Variants in TSPEAR observed in about 807,000 individuals in gnomAD.
TSPEAR encodes thrombospondin-type laminin G domain and EAR repeat-containing protein.
A neutral mutation model predicts 71.6 loss-of-function variants in TSPEAR; 69 were observed. The observed-to-expected ratio is 0.96, with a 90% CI of 0.79 to 1.18. The LOEUF is 1.18. TSPEAR is among the 50% of genes most tolerant of loss of function. TSPEAR has a pLI of 0.00. For synonymous variants in TSPEAR, 402 were observed against 387.2 expected, an observed-to-expected ratio of 1.04 and a Z score of -0.45; for missense variants, 971 against 894.9, an observed-to-expected ratio of 1.09 and a Z score of -1.09.
At chr21:44,603,128 G>A (rs1268833443) in intron 1 of TSPEAR, among the ~76,000 whole-genome samples, 5 of 152,076 alleles carry the variant, frequency 3.3e-5, no homozygotes, top group African/African-American at 7.2e-5. Flanking sequence ...GCCGACCTGC[G>A]CCTGCAACGA....
chr21:44,520,833 C>T lies in TSPEAR; in HGVS notation c.1566+1050G>A, dbSNP rs1203296289. On this transcript the variant is annotated intron_variant, in intron 9 of 11. Coordinates refer to ENST00000323084, the MANE Select transcript of TSPEAR (RefSeq NM_144991.3). This position sits in a 1 kb window ranked among gnomAD's most constrained non-coding sequence, Gnocchi z 4.2. Reference sequence around the variant, plus strand: ...GCCATAAAGCCCCACCCACCACATGCACAGCTTCTTGTCTAATGCAGGGGT... The same window carrying T: ...GCCATAAAGCCCCACCCACCACATGTACAGCTTCTTGTCTAATGCAGGGGT... 2.0e-5 allele frequency: 3 copies of T among 152,320 alleles called. No homozygotes were observed. The highest frequency in any genetic ancestry group is 7.2e-5 in the African/African-American group (3 of 41,454). 9.4% of individuals were successfully genotyped at this position (152,320 alleles called of 1,614,324 possible).
rs996986789 is a variant in TSPEAR, at chr21:44,546,074, C to T, written c.304-12151G>A. On this transcript the variant is annotated intron_variant, in intron 2 of 11. Transcript: ENST00000323084. The surrounding 1 kb of genome is among the most constrained non-coding windows in gnomAD (Gnocchi z 4.4). ...GATGACAGATTCAAATAATTAAAATCGTAAATGAAAATGGGAATATCACTA... is the reference window on the plus strand; with the variant it reads ...GATGACAGATTCAAATAATTAAAATTGTAAATGAAAATGGGAATATCACTA... Among the ~76,000 whole-genome samples, 3 of 151,942 alleles carry T rather than the reference C, an allele frequency of 2.0e-5. 1 individual carries two copies. Among genetic ancestry groups the T allele is most frequent in the South Asian group, 4.1e-4 (2 of 4,820 alleles).
chr21:44,530,765 C>T (rs1200681749), intron 4 of TSPEAR, among the ~76,000 whole-genome samples: 5 of 152,142 alleles, frequency 3.3e-5, no homozygotes, highest in Admixed American at 1.3e-4. Context: ...AAGACAGCTC[C>T]GGGGAAGGGG....
intron 1 of TSPEAR, among the ~76,000 whole-genome samples, chr21:44,703,951 A>G (rs77659106): frequency 0.062 from 9,420 of 152,250 alleles, 316 homozygotes; most frequent in Non-Finnish European, 0.076. Flanking sequence ...AGGGGTGCAC[A>G]GGGCTGCAAT....
At chr21:44,679,495 G>A (rs1986477870) in intron 1 of TSPEAR, among the ~76,000 whole-genome samples, 1 of 152,106 alleles carries the variant, frequency 6.6e-6, no homozygotes, top group Non-Finnish European at 1.5e-5. Context: ...CAGACTCAAT[G>A]CAATCTCTAT....
chr21:44,530,922 T>C (rs2145981482), intron 4 of TSPEAR, 121 bp downstream of exon 4: 1 of 809,062 alleles, frequency 1.2e-6, no homozygotes, highest in African/African-American at 1.7e-5. Context: ...CCACGCACGC[T>C]GTACCTTCTT....
chr21:44,692,306 G>A (rs1476031614), intron 1 of TSPEAR, among the ~76,000 whole-genome samples: 1 of 152,162 alleles, frequency 6.6e-6, no homozygotes, highest in African/African-American at 2.4e-5. Context: ...AAGACAGGAT[G>A]TCCCTTTTCA....
intron 1 of TSPEAR, chr21:44,702,151 G>A: frequency 1.5e-6 from 2 of 1,335,256 alleles, no homozygotes; most frequent in South Asian, 2.7e-5. Context: ...GGTGGAGACT[G>A]AAGCGATGGA....
At chr21:44,566,611 T>G (rs1555921765) in intron 2 of TSPEAR, among the ~76,000 whole-genome samples, 1 of 152,108 alleles carries the variant, frequency 6.6e-6, no homozygotes, top group Non-Finnish European at 1.5e-5. Context: ...TTTACTACAA[T>G]AAATCTTGGT....
At chr21:44,534,566 G>A (rs2053055744) in intron 2 of TSPEAR, among the ~76,000 whole-genome samples, 1 of 151,984 alleles carries the variant, frequency 6.6e-6, no homozygotes, top group Non-Finnish European at 1.5e-5. Context: ...TTAGTCAGGA[G>A]CACGGGTCCA....
chr21:44,616,020 C>G (rs1440311223), intron 1 of TSPEAR, among the ~76,000 whole-genome samples: 1 of 152,226 alleles, frequency 6.6e-6, no homozygotes, highest in African/African-American at 2.4e-5. Flanking sequence ...GTGCCACATC[C>G]CCCAGCGGAG....
Position 44,500,362 on chromosome 21 carries a change from C to T in TSPEAR, c.1857-426G>A, listed in dbSNP as rs59710913. ...GCCCAGCTCTCTGCCCGCTGCTCTG[C>T]GGCCCCACGTCAGGGGCTGCCCCAG... On this transcript the variant is annotated intron_variant, in intron 11 of 11. Coordinates refer to ENST00000323084, the MANE Select transcript of TSPEAR (RefSeq NM_144991.3). 2.7e-3 allele frequency among the ~76,000 whole-genome samples: 418 copies of T among 152,336 alleles called. 13 individuals are homozygous for T. In the East Asian group the frequency reaches 0.066, roughly 24 times the overall value.
intron 2 of TSPEAR, among the ~76,000 whole-genome samples, chr21:44,554,369 C>CCA (rs2053493153): frequency 6.6e-6 from 1 of 152,176 alleles, no homozygotes; most frequent in Non-Finnish European, 1.5e-5. Flanking sequence ...TCAAGACCCT[C>CCA]CAGTCCACGG....
At chr21:44,616,848 T>C (rs982281813) in intron 1 of TSPEAR, among the ~76,000 whole-genome samples, 2 of 152,314 alleles carry the variant, frequency 1.3e-5, no homozygotes, top group East Asian at 1.9e-4. Flanking sequence ...CCTGCCCACT[T>C]GGGTGTATTT....
intron 2 of TSPEAR, among the ~76,000 whole-genome samples, chr21:44,563,028 A>G (rs1261625199): frequency 6.6e-6 from 1 of 152,182 alleles, no homozygotes; most frequent in Non-Finnish European, 1.5e-5. Context: ...ATAAAAAGGT[A>G]TATTTGGTGT....
intron 6 of TSPEAR, 102 bp from the exon 7 acceptor site, chr21:44,527,620 G>T: frequency 2.7e-6 from 3 of 1,119,022 alleles, no homozygotes; most frequent in South Asian, 2.8e-5. Context: ...CACAAGCCAC[G>T]ACTCCTGCGC....
chr21:44,661,600 A>G (rs1361559844), intron 1 of TSPEAR, among the ~76,000 whole-genome samples: 2 of 152,222 alleles, frequency 1.3e-5, no homozygotes, highest in Non-Finnish European at 2.9e-5. Flanking sequence ...TAATTTATAA[A>G]GAAAGGAGGT....
At chr21:44,610,579 C>T (rs587698425) in intron 1 of TSPEAR, among the ~76,000 whole-genome samples, 70 of 152,328 alleles carry the variant, frequency 4.6e-4, no homozygotes, top group Middle Eastern at 3.4e-3. Context: ...ACCTCTGCTA[C>T]GGCAGTGCAG....
At chr21:44,707,306 G>C (rs540938438) in intron 1 of TSPEAR, among the ~76,000 whole-genome samples, 147 of 152,188 alleles carry the variant, frequency 9.7e-4, no homozygotes, top group Middle Eastern at 3.4e-3. Context: ...GCGGGGTGGG[G>C]GGGGGTGCGG....
Sources: gnomAD v4.1 joint callset for allele counts (sites outside exome capture counted in the v4.1 genomes callset) on GRCh38, gnomAD v4.1.1 for gene constraint, Gnocchi (gnomAD v3.1) non-coding constraint, MANE v1.5 for transcripts, NCBI Gene and HGNC (gene_info 2026-07-23, HGNC 2026-07-21) for gene names.